The following NDUFA5 variants were observed in gnomAD, a reference collection of about 807,000 sequenced individuals.
NDUFA5 encodes NADH dehydrogenase [ubiquinone] 1 alpha subcomplex subunit 5.
A neutral mutation model predicts 19.8 loss-of-function variants in NDUFA5; 11 were observed. The observed-to-expected ratio is 0.56, with a 90% confidence interval of 0.35 to 0.92. The LOEUF is 0.92. Ranked by LOEUF, NDUFA5 falls within the 40% of genes least tolerant of loss-of-function variation. The probability of loss-of-function intolerance (pLI) is 0.01; values close to 1 mark genes in which losing one functional copy is unlikely to be tolerated. For missense variants in NDUFA5, 109 were observed against 134.2 expected (o/e 0.81, Z 0.93); for synonymous variants, 47 against 46.8 (o/e 1.00, Z -0.01).
chr7:123,561,912 T>C (rs1294687769), upstream of NDUFA5, among the ~76,000 whole-genome samples: 1 of 151,932 alleles, frequency 6.6e-6, no homozygotes, highest in African/African-American at 2.4e-5. Flanking sequence ...CACCAAATCT[T>C]TTTAATAGCA....
rs1280881752 is a variant in NDUFA5, at chr7:123,541,155, A to G, written c.*964T>C. ...TTATATTAGAAACGTACTGCAAACT[A>G]TTTAGTGACTCCACTTTTAATTTAT... On this transcript the variant is annotated 3_prime_UTR_variant, in exon 5 of 5. Transcript: ENST00000355749. 6.6e-6 allele frequency: 1 copy of G among 152,200 alleles called. No homozygotes were observed. The highest frequency in any genetic ancestry group is 1.5e-5 in the Non-Finnish European group (1 of 68,026). 9.4% of individuals were successfully genotyped at this position (152,200 alleles called of 1,614,324 possible). A position where few individuals can be genotyped will look rare whatever the true frequency, so the allele number is the denominator to read the frequency against.
chr7:123,600,763 A>G, the NDUFA5 span, among the ~76,000 whole-genome samples: 1 of 152,164 alleles, frequency 6.6e-6, no homozygotes, highest in Non-Finnish European at 1.5e-5. Flanking sequence ...CTCATTTCAC[A>G]TTTACGGTTT....
At chr7:123,552,185 A>C (rs987547264) in intron 2 of NDUFA5, among the ~76,000 whole-genome samples, 18 of 152,048 alleles carry the variant, frequency 1.2e-4, no homozygotes, top group African/African-American at 4.3e-4. Context: ...CAATTAAAAA[A>C]AAAAAATGTG....
intron 4 of NDUFA5, 56 bp from the exon 5 acceptor site, chr7:123,542,276 A>T: frequency 7.7e-7 from 1 of 1,301,914 alleles, no homozygotes; most frequent in Non-Finnish European, 1.1e-6. Flanking sequence ...ACAGATATTT[A>T]TCAGAACAAC....
At chr7:123,566,735 A>G in the NDUFA5 span, among the ~76,000 whole-genome samples, 4 of 152,326 alleles carry the variant, frequency 2.6e-5, no homozygotes, top group East Asian at 7.7e-4. Context: ...TTAATCACCT[A>G]TATATCCATT....
At chr7:123,564,916 C>T in the NDUFA5 span, among the ~76,000 whole-genome samples, 2 of 151,642 alleles carry the variant, frequency 1.3e-5, no homozygotes, top group Non-Finnish European at 1.5e-5. Context: ...CACACACACA[C>T]ACACATATAT....
the NDUFA5 span, among the ~76,000 whole-genome samples, chr7:123,569,946 T>C: frequency 1.3e-5 from 2 of 152,124 alleles, no homozygotes; most frequent in African/African-American, 4.8e-5. Flanking sequence ...GTTATTATTA[T>C]GTTTTTGACT....
chr7:123,547,730 A>G (rs888226781), intron 3 of NDUFA5, among the ~76,000 whole-genome samples: 1 of 152,162 alleles, frequency 6.6e-6, no homozygotes, highest in Non-Finnish European at 1.5e-5. Context: ...GTTCAACGAC[A>G]CTTTCATTTC....
the NDUFA5 span, among the ~76,000 whole-genome samples, chr7:123,592,484 G>A: frequency 6.6e-6 from 1 of 152,130 alleles, no homozygotes; most frequent in Non-Finnish European, 1.5e-5. Flanking sequence ...GGTACGTTGT[G>A]TCTTTGTTCT....
chr7:123,545,632 T>C lies in NDUFA5; in HGVS notation c.228A>G (p.Gln76=), dbSNP rs749723755. The C allele has an allele frequency of 1.1e-5, 17 of 1,611,070 alleles. No homozygotes were observed. The highest frequency in any genetic ancestry group is 6.7e-5 in the East Asian group (3 of 44,676). Residue 76 remains glutamine (Q), a synonymous_variant, in exon 4 of 5, where the codon CAA becomes CAG. Coordinates refer to ENST00000355749, the MANE Select transcript of NDUFA5 (RefSeq NM_005000.5). ...TTACCTGAAGAATCACCTCTTCTAA[T>C]TGACCGCCTTGAAGTTGGTCTTCTA... The part of the protein sequence containing the change: ...KKLEDQLQGG[Q]LEEVILQAEH...
chr7:123,568,901 A>C, the NDUFA5 span, among the ~76,000 whole-genome samples: 5 of 152,238 alleles, frequency 3.3e-5, no homozygotes, highest in African/African-American at 1.2e-4. Flanking sequence ...TGTTGATACT[A>C]TATTTCTAAC....
chr7:123,583,781 C>T, the NDUFA5 span, among the ~76,000 whole-genome samples: 49 of 151,908 alleles, frequency 3.2e-4, no homozygotes, highest in Non-Finnish European at 5.6e-4. Flanking sequence ...TACTGAGAAG[C>T]AAAGTAGAGG....
the NDUFA5 span, among the ~76,000 whole-genome samples, chr7:123,573,708 G>T: frequency 6.6e-6 from 1 of 152,010 alleles, no homozygotes; most frequent in Non-Finnish European, 1.5e-5. Flanking sequence ...TATCCTTCCA[G>T]GAGTGGAGTA....
At chr7:123,590,141 T>C in the NDUFA5 span, among the ~76,000 whole-genome samples, 58 of 152,346 alleles carry the variant, frequency 3.8e-4, no homozygotes, top group African/African-American at 1.3e-3. Context: ...TCTGTTCATG[T>C]CCTTTGCCCA....
At chr7:123,573,044 T>C in the NDUFA5 span, among the ~76,000 whole-genome samples, 2 of 152,142 alleles carry the variant, frequency 1.3e-5, no homozygotes, top group Admixed American at 1.3e-4. Flanking sequence ...GATCAGTAAA[T>C]TTTTAGCTTC....
At chr7:123,549,523 T>A (rs1798255546) in intron 3 of NDUFA5, among the ~76,000 whole-genome samples, 1 of 152,192 alleles carries the variant, frequency 6.6e-6, no homozygotes, top group African/African-American at 2.4e-5. Flanking sequence ...ATGCCTGTGA[T>A]CCCAGCACTT....
At chr7:123,578,640 G>GTTT in the NDUFA5 span, among the ~76,000 whole-genome samples, 1,225 of 152,034 alleles carry the variant, frequency 8.1e-3, 15 homozygotes, top group African/African-American at 0.028. Flanking sequence ...TAATATCTGA[G>GTTT]CTAATGAGAG....
the NDUFA5 span, among the ~76,000 whole-genome samples, chr7:123,594,733 CG>C: frequency 1.3e-5 from 2 of 152,128 alleles, no homozygotes; most frequent in Admixed American, 1.3e-4. Context: ...TCAGGCTACA[CG>C]GGGGTCAGGG....
the NDUFA5 span, among the ~76,000 whole-genome samples, chr7:123,575,617 C>A: frequency 6.6e-6 from 1 of 152,036 alleles, no homozygotes; most frequent in South Asian, 2.1e-4. Context: ...GTCATAGTTA[C>A]CCAAGCCATT....
Sources: gnomAD v4.1 joint callset for allele counts (sites outside exome capture counted in the v4.1 genomes callset) on GRCh38, gnomAD v4.1.1 for gene constraint, MANE v1.5 for transcripts, NCBI Gene and HGNC (gene_info 2026-07-23, HGNC 2026-07-21) for gene names.